SVOP: variants seen among roughly 807,000 people sequenced by gnomAD.
SVOP encodes SV2 related protein.
SVOP carries 17 observed loss-of-function variants against 69.1 expected under a neutral mutation model. The observed-to-expected ratio is 0.25, with a 90% CI of 0.17 to 0.37. The LOEUF (loss-of-function observed/expected upper bound fraction) is 0.37, where lower values mean the gene tolerates loss of function less well. Among genes scored for constraint, SVOP ranks in the 10% least tolerant of loss-of-function variants. SVOP has a pLI of 1.00. For synonymous variants in SVOP, 238 were observed against 238.6 expected, an observed-to-expected ratio of 1.00 and a Z score of 0.02; for missense variants, 435 against 597.5, an observed-to-expected ratio of 0.73 and a Z score of 2.84.
chr12:109,001,306 A>G (rs2040268000), intron 1 of SVOP, among the ~76,000 whole-genome samples: 1 of 144,662 alleles, frequency 6.9e-6, no homozygotes, highest in South Asian at 2.3e-4. Context: ...AGGAAATAAA[A>G]GAGGATACAA....
At chr12:108,976,868 G>T (rs2040109413) in intron 4 of SVOP, among the ~76,000 whole-genome samples, 1 of 152,136 alleles carries the variant, frequency 6.6e-6, no homozygotes. Context: ...ACCCACCTCA[G>T]CCTCCCAAAG....
intron 15 of SVOP, among the ~76,000 whole-genome samples, chr12:108,914,656 C>G (rs889642305): frequency 3.3e-5 from 5 of 151,960 alleles, no homozygotes; most frequent in Non-Finnish European, 5.9e-5. Context: ...GCAAACTCTG[C>G]CTCCTGGGTT....
intron 1 of SVOP, among the ~76,000 whole-genome samples, chr12:109,007,049 T>C (rs889179242): frequency 2.6e-5 from 4 of 152,114 alleles, no homozygotes; most frequent in African/African-American, 9.7e-5. Context: ...TGTTAAATAT[T>C]CATCCCTTTC....
At chr12:108,964,354 A>G (rs2040033507) in intron 5 of SVOP, among the ~76,000 whole-genome samples, 1 of 151,988 alleles carries the variant, frequency 6.6e-6, no homozygotes, top group South Asian at 2.1e-4. Flanking sequence ...CCATACAGAC[A>G]TTTAATCCCT....
chr12:108,982,805 A>G (rs903310009), intron 2 of SVOP, among the ~76,000 whole-genome samples: 7 of 145,936 alleles, frequency 4.8e-5, no homozygotes, highest in Admixed American at 3.4e-4. Flanking sequence ...CATCATCACC[A>G]TCATCATCAT....
chr12:108,998,996 A>T (rs2135618680), intron 1 of SVOP, among the ~76,000 whole-genome samples: 1 of 145,628 alleles, frequency 6.9e-6, no homozygotes, highest in African/African-American at 2.5e-5. Flanking sequence ...TAAATTCTCC[A>T]ATTAAAAGAC....
At chr12:108,945,591 G>T (rs36131847) in intron 6 of SVOP, among the ~76,000 whole-genome samples, 47,675 of 151,374 alleles carry the variant, frequency 0.31, 8,697 homozygotes, top group African/African-American at 0.46. Flanking sequence ...AGATGTATGT[G>T]ACCCAGGCTG....
intron 1 of SVOP, among the ~76,000 whole-genome samples, chr12:108,987,898 T>C (rs1356942987): frequency 2.1e-5 from 3 of 143,986 alleles, no homozygotes; most frequent in African/African-American, 7.7e-5. Context: ...ACTCTATTGA[T>C]TGTGATCGTT....
At chr12:108,999,725 C>T (rs1009694699) in intron 1 of SVOP, among the ~76,000 whole-genome samples, 2 of 147,738 alleles carry the variant, frequency 1.4e-5, no homozygotes, top group African/African-American at 2.5e-5. Context: ...GGATACATAA[C>T]GAAATGAAGG....
At chr12:108,926,716 A>G (rs371639608) in intron 11 of SVOP, among the ~76,000 whole-genome samples, 1 of 152,226 alleles carries the variant, frequency 6.6e-6, no homozygotes, top group Non-Finnish European at 1.5e-5. Flanking sequence ...TGACTGCCCT[A>G]TACATATTGA....
At chr12:108,925,417 A>G (rs2039774443) in intron 11 of SVOP, among the ~76,000 whole-genome samples, 1 of 152,152 alleles carries the variant, frequency 6.6e-6, no homozygotes, top group African/African-American at 2.4e-5. Flanking sequence ...TAACCTTCCA[A>G]CTAGTCTACC....
intron 2 of SVOP, among the ~76,000 whole-genome samples, chr12:108,979,029 A>T (rs1238258128): frequency 6.6e-6 from 1 of 152,200 alleles, no homozygotes; most frequent in African/African-American, 2.4e-5. Flanking sequence ...TAAAAATAAA[A>T]CAAGATCGAC....
intron 7 of SVOP, among the ~76,000 whole-genome samples, chr12:108,942,292 C>T (rs2039895938): frequency 6.6e-6 from 1 of 152,194 alleles, no homozygotes. Context: ...GTGTGAATAA[C>T]ACGGCTATAA....
intron 6 of SVOP, among the ~76,000 whole-genome samples, chr12:108,955,623 G>T (rs764144579): frequency 2.8e-4 from 43 of 152,320 alleles, no homozygotes; most frequent in Non-Finnish European, 5.3e-4. Context: ...CTGGGAGTTT[G>T]CTCATGTGTC....
chr12:108,931,857 C>G (rs1295340129), intron 11 of SVOP, among the ~76,000 whole-genome samples: 1 of 150,694 alleles, frequency 6.6e-6, no homozygotes, highest in Non-Finnish European at 1.5e-5. Context: ...AAATGCTTCC[C>G]GGGTGAGTCT....
intron 5 of SVOP, among the ~76,000 whole-genome samples, chr12:108,965,919 C>G (rs1023313962): frequency 1.1e-4 from 16 of 151,070 alleles, no homozygotes; most frequent in Admixed American, 2.6e-4. Flanking sequence ...CACTTTTTCC[C>G]TCTCTCCCTT....
intron 5 of SVOP, among the ~76,000 whole-genome samples, chr12:108,966,658 C>G (rs2040047353): frequency 1.3e-5 from 2 of 152,056 alleles, no homozygotes; most frequent in Non-Finnish European, 2.9e-5. Context: ...GCTCTGCAAT[C>G]TGGGGACACT....
rs529669675 is a variant in SVOP at position 108,991,035 on chromosome 12, G to C, written c.36-7274C>G. Among the ~76,000 whole-genome samples, 13 of 152,350 alleles carry C rather than the reference G, an allele frequency of 8.5e-5. 1 individual carries two copies. In the South Asian group the frequency reaches 2.1e-3, roughly 24 times the overall value. ...CCCCATCGTGAAGCAGAAGCACTGA[G>C]GGACTGAGCCCCGAGGAGTCTCCAC... On this transcript the variant is annotated intron_variant, in intron 1 of 15. Transcript: ENST00000610966.
At chr12:108,933,379 A>AAT in intron 11 of SVOP, among the ~76,000 whole-genome samples, 1 of 150,664 alleles carries the variant, frequency 6.6e-6, no homozygotes, top group Non-Finnish European at 1.5e-5. Context: ...CTTGTCTCAA[A>AAT]AATAATAATA....
Sources: gnomAD v4.1 joint callset for allele counts (sites outside exome capture counted in the v4.1 genomes callset) on GRCh38, gnomAD v4.1.1 for gene constraint, MANE v1.5 for transcripts, NCBI Gene and HGNC (gene_info 2026-07-23, HGNC 2026-07-21) for gene names.